The following DSCAM variants were observed in gnomAD, a reference collection of about 807,000 sequenced individuals.
The protein encoded by DSCAM is DS cell adhesion molecule, also known as cell adhesion molecule DSCAM.
In DSCAM, 47 loss-of-function variants were observed where a neutral mutation model predicts 217.7. The ratio of observed to expected loss-of-function variants is 0.22; its 90% CI spans 0.17 to 0.28. DSCAM has a LOEUF of 0.28. Ranked by LOEUF, DSCAM falls within the 10% of genes least tolerant of loss-of-function variation. The probability of loss-of-function intolerance (pLI) is 1.00; values close to 1 mark genes in which losing one functional copy is unlikely to be tolerated. For missense variants in DSCAM, 2,080 were observed against 2,618.3 expected, an observed-to-expected ratio of 0.79 and a Z score of 4.49; for synonymous variants, 1,056 against 1,015.3, an observed-to-expected ratio of 1.04 and a Z score of -0.76.
At chr21:40,672,747 A>G (rs1852709190) in intron 3 of DSCAM, among the ~76,000 whole-genome samples, 2 of 152,178 alleles carry the variant, frequency 1.3e-5, no homozygotes, top group African/African-American at 4.8e-5. Context: ...TGGTACCAAC[A>G]TGCACTAAAT....
At chr21:40,350,928 A>G (rs1256473777) in intron 5 of DSCAM, among the ~76,000 whole-genome samples, 1 of 112,366 alleles carries the variant, frequency 8.9e-6, no homozygotes, top group African/African-American at 3.5e-5. Flanking sequence ...TTGCTCTGTC[A>G]CCTAGGCTGG....
At chr21:40,083,494 G>C (rs1409769715) in intron 24 of DSCAM, among the ~76,000 whole-genome samples, 2 of 151,966 alleles carry the variant, frequency 1.3e-5, no homozygotes, top group Non-Finnish European at 2.9e-5. Context: ...CAAAGGTTTT[G>C]TGCAAATAGA....
chr21:40,690,183 T>G (rs980083370), intron 3 of DSCAM, among the ~76,000 whole-genome samples: 2 of 152,228 alleles, frequency 1.3e-5, no homozygotes, highest in African/African-American at 2.4e-5. Flanking sequence ...AGTGACTTCA[T>G]GACCTCCTTT....
At chr21:40,506,037 A>AAAC (rs1329287807) in intron 3 of DSCAM, among the ~76,000 whole-genome samples, 4 of 152,242 alleles carry the variant, frequency 2.6e-5, no homozygotes, top group Non-Finnish European at 5.9e-5. Flanking sequence ...AACCACGGAT[A>AAAC]TGATACTCTT....
chr21:40,458,226 G>A (rs528754054), intron 3 of DSCAM, among the ~76,000 whole-genome samples: 3 of 152,032 alleles, frequency 2.0e-5, no homozygotes, highest in African/African-American at 7.2e-5. Context: ...CCCAGCAACT[G>A]AGGAAAAAAA....
intron 3 of DSCAM, among the ~76,000 whole-genome samples, chr21:40,678,958 A>G (rs11088526): frequency 0.43 from 65,694 of 152,084 alleles, 14,755 homozygotes; most frequent in East Asian, 0.58. Context: ...TCCAACAATA[A>G]AATCATTTCA....
At position 40,196,379 on chromosome 21, in the gene DSCAM, G is replaced by A. The variant is rs966272666; in HGVS notation, c.2357-7141C>T. On this transcript the variant is annotated intron_variant, in intron 11 of 32. Coordinates refer to ENST00000400454, the MANE Select transcript of DSCAM (RefSeq NM_001389.5). ...GGGCTCTCAACCTGGCCTGTATCTC[G>A]GAATCACCTAGAAGCCTTTAAAATA... 2.6e-5 allele frequency among the ~76,000 whole-genome samples: 4 copies of A among 152,226 alleles called. No individual in the cohort carries two copies. In the East Asian group the frequency reaches 5.8e-4, roughly 22 times the overall value.
At chr21:40,437,214 A>G (rs1164606193) in intron 3 of DSCAM, among the ~76,000 whole-genome samples, 1 of 152,160 alleles carries the variant, frequency 6.6e-6, no homozygotes, top group Non-Finnish European at 1.5e-5. Context: ...AGGCTCTGTG[A>G]CATGTTCACT....
intron 3 of DSCAM, chr21:40,615,319 T>C (rs1041260376): frequency 1.3e-5 from 2 of 149,946 alleles, no homozygotes; most frequent in African/African-American, 2.4e-5. Context: ...AGAAAATTGA[T>C]GGGAATATTA....
In DSCAM at chr21:40,725,474, C is replaced by T. The variant is rs566149549; in HGVS notation, c.44-16703G>A. Among the ~76,000 whole-genome samples, 166 of 152,344 alleles carry T rather than the reference C, an allele frequency of 1.1e-3. 1 individual carries two copies. Among genetic ancestry groups the T allele is most frequent in the African/African-American group, 3.8e-3 (160 of 41,572 alleles). ...ACTTTACCATCCCTTGTACTCATACCACCTGATCCAGTTCTGTATTTTTGC... is the reference window on the plus strand; with the variant it reads ...ACTTTACCATCCCTTGTACTCATACTACCTGATCCAGTTCTGTATTTTTGC... On this transcript the variant is annotated intron_variant, in intron 1 of 32. Coordinates refer to ENST00000400454, the MANE Select transcript of DSCAM (RefSeq NM_001389.5).
intron 1 of DSCAM, among the ~76,000 whole-genome samples, chr21:40,823,204 TG>T (rs1407595095): frequency 2.3e-4 from 2 of 8,606 alleles, no homozygotes; most frequent in African/African-American, 1.1e-3. Context: ...ATACATACAT[TG>T]TGTGTGTGTG....
At chr21:40,251,119 C>T (rs563173088) in intron 11 of DSCAM, among the ~76,000 whole-genome samples, 1 of 152,210 alleles carries the variant, frequency 6.6e-6, no homozygotes, top group African/African-American at 2.4e-5. Context: ...GCTGCTGATG[C>T]AGCTTGGAGG....
intron 11 of DSCAM, among the ~76,000 whole-genome samples, chr21:40,262,006 G>A (rs2073459067): frequency 6.6e-6 from 1 of 151,638 alleles, no homozygotes; most frequent in Admixed American, 6.6e-5. Context: ...TAACTTGAGT[G>A]TTCTCTCTCT....
At position 40,360,121 on chromosome 21, in the gene DSCAM, G is replaced by GTTTTTTTTTTTTTTTTTTTTT. The variant is rs764160478; in HGVS notation, c.656-6379_656-6378insAAAAAAAAAAAAAAAAAAAAA. ...TAGTGAGCATGGTACTTCATAGGTAGTCTTTTTTTTTTTTTTTTTTTTTTT... is the reference window on the plus strand; with the variant it reads ...TAGTGAGCATGGTACTTCATAGGTAGTTTTTTTTTTTTTTTTTTTTTTCTTTTTTTTTTTTTTTTTTTTTTT... On this transcript the variant is annotated intron_variant, in intron 4 of 32. Transcript: ENST00000400454. Among the ~76,000 whole-genome samples, 33 of 82,656 alleles carry GTTTTTTTTTTTTTTTTTTTTT rather than the reference G, an allele frequency of 4.0e-4. 16 individuals are homozygous for GTTTTTTTTTTTTTTTTTTTTT. The highest frequency in any genetic ancestry group is 4.0e-4 in the African/African-American group (8 of 19,900). The allele number at this position is 82,656 out of a possible 152,430, so 54.2% of individuals were successfully genotyped here. A position where few individuals can be genotyped will look rare whatever the true frequency, so the allele number is the denominator to read the frequency against.
At chr21:40,578,094 C>A (rs1033388475) in intron 3 of DSCAM, among the ~76,000 whole-genome samples, 1 of 152,098 alleles carries the variant, frequency 6.6e-6, no homozygotes, top group Non-Finnish European at 1.5e-5. Flanking sequence ...CAGGTATTTG[C>A]AAGGATTGGT....
At position 40,757,777 on chromosome 21, in the gene DSCAM, T is replaced by G. The variant is rs181562798; in HGVS notation, c.44-49006A>C. 6.3e-3 allele frequency among the ~76,000 whole-genome samples: 955 copies of G among 152,336 alleles called. 6 individuals are homozygous for G. The highest frequency in any genetic ancestry group is 9.3e-3 in the Non-Finnish European group (635 of 68,024). On this transcript the variant is annotated intron_variant, in intron 1 of 32. Coordinates refer to ENST00000400454, the MANE Select transcript of DSCAM (RefSeq NM_001389.5). Reference sequence around the variant, plus strand: ...GAGAAATCATAAATGTTTGCCACTTTGGGCCACTAAGTTTTGGCATCAAGT... The same window carrying G: ...GAGAAATCATAAATGTTTGCCACTTGGGGCCACTAAGTTTTGGCATCAAGT...
intron 16 of DSCAM, among the ~76,000 whole-genome samples, chr21:40,150,814 T>C (rs927871742): frequency 6.6e-6 from 1 of 152,226 alleles, no homozygotes; most frequent in African/African-American, 2.4e-5. Context: ...TATATCCTTA[T>C]AGGGAAATGA....
chr21:40,608,045 C>G (rs1020564496), intron 3 of DSCAM, among the ~76,000 whole-genome samples: 1 of 152,124 alleles, frequency 6.6e-6, no homozygotes, highest in Non-Finnish European at 1.5e-5. Flanking sequence ...TGCCATCACT[C>G]TTGTTCCTGT....
chr21:40,205,146 A>C (rs2837498), intron 11 of DSCAM, among the ~76,000 whole-genome samples: 75,451 of 152,116 alleles, frequency 0.5, 19,003 homozygotes, highest in African/African-American at 0.59. Context: ...ACATGTGTAA[A>C]GGTCCCTCCC....
Sources: gnomAD v4.1 joint callset for allele counts (sites outside exome capture counted in the v4.1 genomes callset) on GRCh38, gnomAD v4.1.1 for gene constraint, MANE v1.5 for transcripts, NCBI Gene and HGNC (gene_info 2026-07-23, HGNC 2026-07-21) for gene names.